Variants in WWC1 observed in about 807,000 individuals in gnomAD.
The protein encoded by WWC1 is protein KIBRA.
WWC1 carries 55 observed loss-of-function variants against 138.4 expected under a neutral mutation model. The ratio of observed to expected loss-of-function variants is 0.40; its 90% CI spans 0.32 to 0.50. WWC1 has a LOEUF of 0.50. Among genes scored for constraint, WWC1 ranks in the 20% least tolerant of loss-of-function variants. The probability of loss-of-function intolerance (pLI) is 0.72; values close to 1 mark genes in which losing one functional copy is unlikely to be tolerated. For synonymous variants in WWC1, 524 were observed against 564.9 expected (o/e 0.93, Z 1.03); for missense variants, 1,226 against 1,420.4 (o/e 0.86, Z 2.20).
At chr5:168,366,801 AC>A (rs1462209026) in intron 1 of WWC1, among the ~76,000 whole-genome samples, 1 of 98,930 alleles carries the variant, frequency 1.0e-5, no homozygotes, top group African/African-American at 3.9e-5. Flanking sequence ...ACTTTGAAAC[AC>A]TTTTTTTTTT....
chr5:168,388,305 C>A (rs1778195640), intron 3 of WWC1, among the ~76,000 whole-genome samples: 3 of 151,494 alleles, frequency 2.0e-5, no homozygotes. Context: ...TTTTTAAAGC[C>A]TAAAGAGGCA....
Position 168,431,371 on chromosome 5 carries a change from A to G in WWC1, c.2207A>G (p.Tyr736Cys), listed in dbSNP as rs1354514809. ...GAGGTGTTCTGGGTATCCATGTCCTATCCAGCCCTTCACCAGAAGACCTTA... is the reference window on the plus strand; with the variant it reads ...GAGGTGTTCTGGGTATCCATGTCCTGTCCAGCCCTTCACCAGAAGACCTTA... ...FNEVFWVSMS[Y>C]PALHQKTLRV... The change falls in exon 15 of 23, where the codon TAT becomes TGT. Residue 736 changes from tyrosine to cysteine, a missense_variant. By Grantham distance (194) the Tyr-to-Cys change is radical. This residue lies in a region of WWC1 where 1,016 missense variants were observed against 1,153.9 expected (regional missense o/e 0.88). Coordinates refer to ENST00000265293, the MANE Select transcript of WWC1 (RefSeq NM_015238.3). 1.2e-6 allele frequency: 2 copies of G among 1,613,890 alleles called. No individual in the cohort carries two copies. The highest frequency in any genetic ancestry group is 2.7e-5 in the African/African-American group (2 of 74,872).
chr5:168,425,461 C>A lies in WWC1; in HGVS notation c.1810+1393C>A, dbSNP rs200865366. ...ATATTTACTCATTTAAGCCTTACAA[C>A]ACCTCTGGGAAGTGGGTGCTATTTT... On this transcript the variant is annotated intron_variant, in intron 11 of 22. Transcript: ENST00000265293. Among the ~76,000 whole-genome samples the A allele has an allele frequency of 1.5e-4, 23 of 151,684 alleles. No homozygotes were observed. The East Asian group carries it at 3.3e-3, about 22-fold the overall frequency.
At position 168,339,885 on chromosome 5, in the gene WWC1, C is replaced by T. The variant is rs2152776255; in HGVS notation, c.120-31539C>T. Among the ~76,000 whole-genome samples the T allele has an allele frequency of 4.0e-5, 5 of 124,098 alleles. No individual in the cohort carries two copies. The East Asian group carries it at 1.1e-3, about 26-fold the overall frequency. 81.4% of individuals were successfully genotyped at this position (124,098 alleles called of 152,430 possible). On this transcript the variant is annotated intron_variant, in intron 1 of 22. Coordinates refer to ENST00000265293, the MANE Select transcript of WWC1 (RefSeq NM_015238.3). ...TCTCTCTCTCTCTCTCCCTCTCTCC[C>T]TCTCTCTCTGTCTCTCTCTCTTTCT...
At chr5:168,468,739 C>T (rs1757506701) in intron 22 of WWC1, among the ~76,000 whole-genome samples, 1 of 152,182 alleles carries the variant, frequency 6.6e-6, no homozygotes, top group Non-Finnish European at 1.5e-5. Flanking sequence ...CCCCTTCCCC[C>T]TGGAACATTT....
At position 168,292,388 on chromosome 5, in the gene WWC1, T is replaced by G. The variant is rs1222501198; in HGVS notation, c.119+117T>G. ...GGGGAGCTCTGCGTGCCTCTTGAGC[T>G]CTCTTCAGTTCGCCACCCCCTGCTC... On this transcript the variant is annotated intron_variant, in intron 1 of 22. Transcript: ENST00000265293. The surrounding 1 kb of genome is among the most constrained non-coding windows in gnomAD (Gnocchi z 4.4). The G allele has an allele frequency of 1.3e-4, 157 of 1,214,356 alleles. 2 individuals carry two copies. The East Asian group carries it at 4.7e-3, about 37-fold the overall frequency. The allele number at this position is 1,214,356 out of a possible 1,614,324, so 75.2% of individuals were successfully genotyped here. A position where few individuals can be genotyped will look rare whatever the true frequency, so the allele number is the denominator to read the frequency against.
intron 1 of WWC1, among the ~76,000 whole-genome samples, chr5:168,364,659 T>A (rs1424314396): frequency 6.6e-6 from 1 of 152,112 alleles, no homozygotes; most frequent in Non-Finnish European, 1.5e-5. Context: ...GTGGATTGAT[T>A]GAAATGAGGG....
At chr5:168,306,216 G>C (rs990214508) in intron 1 of WWC1, among the ~76,000 whole-genome samples, 5 of 152,102 alleles carry the variant, frequency 3.3e-5, no homozygotes, top group Non-Finnish European at 7.3e-5. Flanking sequence ...GGCCAACATG[G>C]TGAGACCCTG....
intron 1 of WWC1, among the ~76,000 whole-genome samples, chr5:168,339,969 G>T (rs184166747): frequency 0.025 from 2,308 of 92,618 alleles, 83 homozygotes; most frequent in African/African-American, 0.1. Flanking sequence ...CTCTCTCTCT[G>T]TCTCTCTTTC....
intron 11 of WWC1, among the ~76,000 whole-genome samples, chr5:168,425,901 C>T (rs1193211425): frequency 6.6e-6 from 1 of 152,180 alleles, no homozygotes; most frequent in East Asian, 1.9e-4. Flanking sequence ...CCAGGACTGG[C>T]ACAAGGACCA....
chr5:168,404,291 C>T (rs1779616938), intron 5 of WWC1, among the ~76,000 whole-genome samples: 1 of 152,272 alleles, frequency 6.6e-6, no homozygotes, highest in Admixed American at 6.5e-5. Flanking sequence ...CGGACACTGG[C>T]TGTGGGGAGC....
At chr5:168,431,861 G>A (rs946953702) in intron 15 of WWC1, among the ~76,000 whole-genome samples, 3 of 152,194 alleles carry the variant, frequency 2.0e-5, no homozygotes, top group African/African-American at 7.2e-5. Flanking sequence ...CTCAAGTGCA[G>A]GAGTTCGAAA....
chr5:168,374,768 G>A (rs1777043683), intron 2 of WWC1, among the ~76,000 whole-genome samples: 1 of 152,208 alleles, frequency 6.6e-6, no homozygotes, highest in Admixed American at 6.5e-5. Flanking sequence ...CAAGGGTGGA[G>A]GCAAGGAGAC....
intron 3 of WWC1, among the ~76,000 whole-genome samples, chr5:168,395,489 A>G (rs765439309): frequency 1.3e-5 from 2 of 152,312 alleles, no homozygotes; most frequent in Middle Eastern, 3.4e-3. Flanking sequence ...AAATAACATC[A>G]TTTTGTTCAA....
chr5:168,293,882 A>G (rs999244241), intron 1 of WWC1, among the ~76,000 whole-genome samples: 5 of 152,258 alleles, frequency 3.3e-5, no homozygotes, highest in Non-Finnish European at 5.9e-5. Flanking sequence ...CTAACCTGCA[A>G]ACTTGTCACC....
chr5:168,340,836 C>G (rs986452708), intron 1 of WWC1, among the ~76,000 whole-genome samples: 3 of 152,118 alleles, frequency 2.0e-5, no homozygotes, highest in African/African-American at 7.2e-5. Context: ...ATTTTTCTTT[C>G]TTTTGGATAT....
At chr5:168,382,682 A>C (rs1777739236) in intron 2 of WWC1, among the ~76,000 whole-genome samples, 1 of 151,974 alleles carries the variant, frequency 6.6e-6, no homozygotes, top group South Asian at 2.1e-4. Flanking sequence ...TACAAATTCC[A>C]TCTCCGCCTT....
intron 3 of WWC1, among the ~76,000 whole-genome samples, chr5:168,386,538 G>T (rs1055206843): frequency 6.6e-6 from 1 of 151,456 alleles, no homozygotes; most frequent in Non-Finnish European, 1.5e-5. Context: ...GACTACAGGC[G>T]CCCGCCACCA....
chr5:168,327,135 G>T (rs1772632330), intron 1 of WWC1, among the ~76,000 whole-genome samples: 1 of 152,118 alleles, frequency 6.6e-6, no homozygotes, highest in South Asian at 2.1e-4. Flanking sequence ...CTTCCACAGG[G>T]CTTTCCAGAG....
Sources: allele counts gnomAD v4.1 joint callset (sites outside exome capture counted in the v4.1 genomes callset), GRCh38; gene constraint gnomAD v4.1.1; regional missense constraint gnomAD v4.1.1; non-coding constraint Gnocchi (gnomAD v3.1); transcripts MANE v1.5; gene names NCBI Gene and HGNC (gene_info 2026-07-23, HGNC 2026-07-21).